The following NXPE2 variants were observed in gnomAD, a reference collection of about 807,000 sequenced individuals.
NXPE2 encodes the protein NXPE family member 2.
Under a neutral mutation model 34.4 loss-of-function variants are expected in NXPE2, and 34 were observed. That is an observed-to-expected ratio of 0.99 (90% confidence interval 0.75 to 1.31). The LOEUF is 1.31. Among genes scored for constraint, NXPE2 ranks in the 40% most tolerant of loss-of-function variants. The pLI, the probability that NXPE2 is intolerant of heterozygous loss-of-function variation, is 0.00. For missense variants in NXPE2, 649 were observed against 672.5 expected, an observed-to-expected ratio of 0.97 and a Z score of 0.39; for synonymous variants, 235 against 231.3, an observed-to-expected ratio of 1.02 and a Z score of -0.15.
At chr11:114,670,850 C>A in the NXPE2 span, among the ~76,000 whole-genome samples, 1 of 151,224 alleles carries the variant, frequency 6.6e-6, no homozygotes, top group Non-Finnish European at 1.5e-5. Flanking sequence ...GAATGACTCA[C>A]GAACAGGAGA....
the NXPE2 span, among the ~76,000 whole-genome samples, chr11:114,625,220 T>C: frequency 5.3e-5 from 8 of 149,664 alleles, no homozygotes; most frequent in Admixed American, 2.6e-4. Context: ...CTGTTACCTG[T>C]TGGATAATAC....
the NXPE2 span, among the ~76,000 whole-genome samples, chr11:114,758,848 AATAT>A: frequency 6.7e-6 from 1 of 148,594 alleles, no homozygotes; most frequent in Non-Finnish European, 1.5e-5. Flanking sequence ...TATATACATA[AATAT>A]ATAACACATT....
At chr11:114,804,983 C>T in the NXPE2 span, among the ~76,000 whole-genome samples, 1 of 152,102 alleles carries the variant, frequency 6.6e-6, no homozygotes, top group African/African-American at 2.4e-5. Context: ...GATGTTTTCT[C>T]TTTAGAGTAT....
chr11:114,669,552 G>A, the NXPE2 span, among the ~76,000 whole-genome samples: 4 of 152,190 alleles, frequency 2.6e-5, no homozygotes, highest in African/African-American at 9.6e-5. Flanking sequence ...TTATAGAGCA[G>A]AAGCACTTTT....
At chr11:114,605,632 G>C in the NXPE2 span, among the ~76,000 whole-genome samples, 3 of 151,546 alleles carry the variant, frequency 2.0e-5, no homozygotes, top group Non-Finnish European at 2.9e-5. Context: ...GTGTTGCCTC[G>C]TGGGTAACCA....
chr11:114,594,475 T>G, the NXPE2 span, among the ~76,000 whole-genome samples: 1 of 152,220 alleles, frequency 6.6e-6, no homozygotes, highest in Admixed American at 6.5e-5. Context: ...AATGTGTATG[T>G]GTGAACACAC....
At chr11:114,479,169 C>G in the NXPE2 span, among the ~76,000 whole-genome samples, 1 of 152,316 alleles carries the variant, frequency 6.6e-6, no homozygotes, top group South Asian at 2.1e-4. Flanking sequence ...AGAGCCCATA[C>G]TTTAACAAGC....
chr11:114,771,875 C>T, the NXPE2 span, among the ~76,000 whole-genome samples: 1 of 152,250 alleles, frequency 6.6e-6, no homozygotes, highest in Non-Finnish European at 1.5e-5. Context: ...TTTATCTGGT[C>T]ATTAGATCTA....
chr11:114,727,733 ATAAT>A, the NXPE2 span, among the ~76,000 whole-genome samples: 1 of 150,158 alleles, frequency 6.7e-6, no homozygotes, highest in East Asian at 2.0e-4. Context: ...AGGAAGATAA[ATAAT>A]TATTTCTCTT....
the NXPE2 span, chr11:114,529,015 G>T: frequency 2.4e-6 from 1 of 409,396 alleles, no homozygotes; most frequent in Non-Finnish European, 4.3e-6. Flanking sequence ...GCCAAAACTT[G>T]GATAATGAGG....
chr11:114,581,827 C>T, the NXPE2 span: 7 of 1,398,758 alleles, frequency 5.0e-6, no homozygotes, highest in East Asian at 1.6e-4. Flanking sequence ...TAGGTGGCCT[C>T]AAATCAGGAA....
At chr11:114,545,672 T>C in the NXPE2 span, among the ~76,000 whole-genome samples, 2 of 151,980 alleles carry the variant, frequency 1.3e-5, no homozygotes, top group Admixed American at 6.6e-5. Context: ...CATTGAATCT[T>C]ATAACACAAA....
At chr11:114,797,551 C>G in the NXPE2 span, among the ~76,000 whole-genome samples, 2 of 152,146 alleles carry the variant, frequency 1.3e-5, no homozygotes, top group Non-Finnish European at 1.5e-5. Flanking sequence ...ACGTGGAGCT[C>G]CTCAGGCTCA....
At chr11:114,480,200 G>C in the NXPE2 span, among the ~76,000 whole-genome samples, 2 of 150,552 alleles carry the variant, frequency 1.3e-5, no homozygotes, top group East Asian at 3.9e-4. Flanking sequence ...GATGGAGAAG[G>C]AAAGAAGACC....
chr11:114,786,313 A>G, the NXPE2 span, among the ~76,000 whole-genome samples: 717 of 150,848 alleles, frequency 4.8e-3, 3 homozygotes, highest in African/African-American at 0.017. Flanking sequence ...AGGAGAAGTA[A>G]TTGGGTATTC....
chr11:114,692,357 G>A (rs1157425853), intron 2 of NXPE2, among the ~76,000 whole-genome samples: 1 of 152,142 alleles, frequency 6.6e-6, no homozygotes, highest in Non-Finnish European at 1.5e-5. Flanking sequence ...CTGTGTGGGT[G>A]CACCCATTCT....
chr11:114,530,798 T>A, the NXPE2 span: 1 of 1,614,220 alleles, frequency 6.2e-7, no homozygotes, highest in Admixed American at 1.7e-5. Context: ...TTATTCTGAG[T>A]TCAGTCTCTG....
chr11:114,629,283 C>G, the NXPE2 span, among the ~76,000 whole-genome samples: 3 of 152,138 alleles, frequency 2.0e-5, no homozygotes, highest in African/African-American at 7.2e-5. Context: ...AAAATACTGG[C>G]AAACGGAATC....
At chr11:114,746,852 A>AAAAC in the NXPE2 span, among the ~76,000 whole-genome samples, 137 of 150,162 alleles carry the variant, frequency 9.1e-4, no homozygotes, top group African/African-American at 2.0e-3. Context: ...CTCCCTCTCA[A>AAAAC]AAACAAACAA....
Sources: allele counts gnomAD v4.1 joint callset (sites outside exome capture counted in the v4.1 genomes callset), GRCh38; gene constraint gnomAD v4.1.1; transcripts MANE v1.5; gene names NCBI Gene and HGNC (gene_info 2026-07-23, HGNC 2026-07-21).